Variants in TAFA2 observed in about 807,000 individuals in gnomAD.
TAFA2 encodes chemokine-like protein TAFA-2.
TAFA2 carries 7 observed loss-of-function variants against 18.8 expected under a neutral mutation model. That is an observed-to-expected ratio of 0.37 (90% CI 0.21 to 0.70). TAFA2 has a LOEUF of 0.70. TAFA2 is among the 30% of genes least tolerant of loss of function. TAFA2 has a pLI of 0.53. For missense variants in TAFA2, 122 were observed against 158.1 expected (o/e 0.77, Z 1.23); for synonymous variants, 60 against 54.2 (o/e 1.11, Z -0.47).
chr12:61,967,719 T>C (rs1879115556), intron 1 of TAFA2, among the ~76,000 whole-genome samples: 3 of 151,768 alleles, frequency 2.0e-5, no homozygotes, highest in Non-Finnish European at 4.4e-5. Context: ...ATCAACCTAG[T>C]GGCAGGAGGA....
At chr12:61,979,120 T>C (rs1302124036) in intron 1 of TAFA2, among the ~76,000 whole-genome samples, 1 of 152,150 alleles carries the variant, frequency 6.6e-6, no homozygotes, top group Non-Finnish European at 1.5e-5. Context: ...CATGTTACTC[T>C]CTTTTGCTAT....
chr12:62,021,506 T>C (rs2136730014), intron 1 of TAFA2: 1 of 681,182 alleles, frequency 1.5e-6, no homozygotes, highest in Admixed American at 2.1e-5. Context: ...TACAATATTT[T>C]ATTAAAGATC....
At chr12:62,025,736 A>T (rs987792631) in intron 1 of TAFA2, among the ~76,000 whole-genome samples, 44 of 152,274 alleles carry the variant, frequency 2.9e-4, no homozygotes, top group Admixed American at 7.9e-4. Context: ...AAAGGCATCT[A>T]ATAATGAAAA....
intron 1 of TAFA2, among the ~76,000 whole-genome samples, chr12:61,924,849 C>T (rs1424177481): frequency 2.0e-5 from 3 of 152,132 alleles, no homozygotes; most frequent in African/African-American, 7.2e-5. Flanking sequence ...ACCCATCTCA[C>T]ATGCAAAGAC....
chr12:61,977,631 G>T (rs889569448), intron 1 of TAFA2, among the ~76,000 whole-genome samples: 2 of 152,072 alleles, frequency 1.3e-5, no homozygotes, highest in Non-Finnish European at 2.9e-5. Context: ...ATGTCTTATA[G>T]TTGGTAGACC....
chr12:61,771,360 T>C (rs1439545247), intron 2 of TAFA2, among the ~76,000 whole-genome samples: 1 of 151,994 alleles, frequency 6.6e-6, no homozygotes, highest in Non-Finnish European at 1.5e-5. Flanking sequence ...GGACTTAAAC[T>C]ATACCCTAGA....
intron 1 of TAFA2, among the ~76,000 whole-genome samples, chr12:61,932,845 C>T (rs1349527708): frequency 6.6e-6 from 1 of 152,178 alleles, no homozygotes; most frequent in African/African-American, 2.4e-5. Flanking sequence ...CTTTCCAGAG[C>T]TGCCTTCTTC....
chr12:61,971,545 TA>T (rs1214987902), intron 1 of TAFA2, among the ~76,000 whole-genome samples: 2 of 151,146 alleles, frequency 1.3e-5, no homozygotes, highest in African/African-American at 4.9e-5. Context: ...TATGCAGCCA[TA>T]AAAAAGGATG....
intron 4 of TAFA2, among the ~76,000 whole-genome samples, chr12:61,744,722 T>C (rs1177538142): frequency 6.6e-6 from 1 of 152,020 alleles, no homozygotes; most frequent in East Asian, 1.9e-4. Flanking sequence ...ATCTGCCTAA[T>C]TTTTGTTTTT....
intron 2 of TAFA2, among the ~76,000 whole-genome samples, chr12:61,828,968 A>G (rs568614172): frequency 6.6e-6 from 1 of 151,922 alleles, no homozygotes; most frequent in African/African-American, 2.4e-5. Flanking sequence ...TGATGACTCC[A>G]CATAGACAGT....
At chr12:62,072,250 G>T (rs1882650499) in intron 1 of TAFA2, among the ~76,000 whole-genome samples, 1 of 151,412 alleles carries the variant, frequency 6.6e-6, no homozygotes, top group African/African-American at 2.4e-5. Flanking sequence ...GGATCACAAG[G>T]TCAGGAGATC....
chr12:62,112,621 A>G (rs1454959670), intron 1 of TAFA2, among the ~76,000 whole-genome samples: 3 of 152,168 alleles, frequency 2.0e-5, no homozygotes, highest in South Asian at 4.1e-4. Flanking sequence ...AGGTACACCA[A>G]TGAAACGTAG....
rs144087118 is a variant in TAFA2, at chr12:62,110,058, G to C, written c.-2+81201C>G. Among the ~76,000 whole-genome samples, 4 of 145,700 alleles carry C rather than the reference G, an allele frequency of 2.7e-5. No homozygotes were observed. The East Asian group carries it at 6.5e-4, about 24-fold the overall frequency. ...GAGAGGGCATCCTTGTCATGTTTTCGTTTTCAAAGGTAATGCTCCAGCTTT... is the reference window on the plus strand; with the variant it reads ...GAGAGGGCATCCTTGTCATGTTTTCCTTTTCAAAGGTAATGCTCCAGCTTT... On this transcript the variant is annotated intron_variant, in intron 1 of 4. Transcript: ENST00000416284.
At chr12:62,166,688 C>A (rs956169504) in intron 1 of TAFA2, among the ~76,000 whole-genome samples, 1 of 152,140 alleles carries the variant, frequency 6.6e-6, no homozygotes, top group African/African-American at 2.4e-5. Context: ...TGATCCCAAA[C>A]AAGAAGCATG....
intron 1 of TAFA2, among the ~76,000 whole-genome samples, chr12:62,052,573 C>T (rs1236200631): frequency 1.3e-5 from 2 of 152,066 alleles, no homozygotes; most frequent in Non-Finnish European, 2.9e-5. Flanking sequence ...TGAAACAATC[C>T]TCTGCTTGCT....
chr12:62,074,515 C>T (rs1490049429), intron 1 of TAFA2, among the ~76,000 whole-genome samples: 1 of 152,106 alleles, frequency 6.6e-6, no homozygotes, highest in African/African-American at 2.4e-5. Context: ...AAACATTCTA[C>T]ATTTTCGTTT....
chr12:62,150,679 G>A (rs1366834551), intron 1 of TAFA2, among the ~76,000 whole-genome samples: 1 of 152,100 alleles, frequency 6.6e-6, no homozygotes, highest in Non-Finnish European at 1.5e-5. Context: ...GAGGCTGTTG[G>A]ATCATTTGAG....
At chr12:62,152,054 C>A (rs1425876451) in intron 1 of TAFA2, among the ~76,000 whole-genome samples, 2 of 152,158 alleles carry the variant, frequency 1.3e-5, no homozygotes, top group African/African-American at 4.8e-5. Context: ...GCAGGCCCAT[C>A]TGTAAAATAC....
Position 61,816,971 on chromosome 12 carries a change from A to T in TAFA2, c.106+50349T>A, listed in dbSNP as rs182003153. On this transcript the variant is annotated intron_variant, in intron 2 of 4. Coordinates refer to ENST00000416284, the MANE Select transcript of TAFA2 (RefSeq NM_178539.5). ...TATGCCTTTGAGAAATTGTAAGTAAATAATAAGTATTTACTGTCTACCAGG... is the reference window on the plus strand; with the variant it reads ...TATGCCTTTGAGAAATTGTAAGTAATTAATAAGTATTTACTGTCTACCAGG... 7.1e-4 allele frequency among the ~76,000 whole-genome samples: 107 copies of T among 151,484 alleles called. 6 individuals carry two copies. Among genetic ancestry groups the T allele is most frequent in the African/African-American group, 1.9e-3 (78 of 40,786 alleles).
Sources: allele counts gnomAD v4.1 joint callset (sites outside exome capture counted in the v4.1 genomes callset), GRCh38; gene constraint gnomAD v4.1.1; transcripts MANE v1.5; gene names NCBI Gene and HGNC (gene_info 2026-07-23, HGNC 2026-07-21).